The following CCDC171 variants were observed in gnomAD, a reference collection of about 807,000 sequenced individuals.
CCDC171 encodes the protein coiled-coil domain-containing protein 171.
CCDC171 carries 177 observed loss-of-function variants against 168.2 expected under a neutral mutation model. The observed-to-expected ratio is 1.05, with a 90% CI of 0.93 to 1.19. CCDC171 has a LOEUF of 1.19. CCDC171 is among the 50% of genes most tolerant of loss of function. CCDC171 has a pLI of 0.00. For synonymous variants in CCDC171, 687 were observed against 540.8 expected (o/e 1.27, Z -3.75); for missense variants, 1,991 against 1,539.0 (o/e 1.29, Z -4.91).
At chr9:16,071,472 C>T in the CCDC171 span, among the ~76,000 whole-genome samples, 2 of 152,166 alleles carry the variant, frequency 1.3e-5, no homozygotes, top group Admixed American at 6.5e-5. Context: ...CTTGTGGTGT[C>T]AGCTGTGCCT....
At chr9:15,608,725 G>C (rs925258937) in intron 6 of CCDC171, among the ~76,000 whole-genome samples, 1 of 151,204 alleles carries the variant, frequency 6.6e-6, no homozygotes, top group African/African-American at 2.4e-5. Context: ...TCTGAGGTGG[G>C]AGAATTGCTT....
chr9:15,924,252 A>T (rs954275673), intron 25 of CCDC171, among the ~76,000 whole-genome samples: 1 of 151,370 alleles, frequency 6.6e-6, no homozygotes, highest in Admixed American at 6.6e-5. Flanking sequence ...TTAACCAGTT[A>T]ATAGTGTGTG....
intron 24 of CCDC171, among the ~76,000 whole-genome samples, chr9:15,919,717 T>G (rs925106495): frequency 6.6e-6 from 1 of 151,666 alleles, no homozygotes; most frequent in African/African-American, 2.4e-5. Context: ...TTATTATGTA[T>G]AGTCCAATGT....
chr9:15,745,140 A>T (rs868150476), intron 17 of CCDC171, among the ~76,000 whole-genome samples: 2 of 152,210 alleles, frequency 1.3e-5, no homozygotes, highest in Non-Finnish European at 2.9e-5. Context: ...TTCAGTTTCT[A>T]TGAATAAGTA....
chr9:16,062,870 G>A (rs1833950657), downstream of CCDC171, among the ~76,000 whole-genome samples: 1 of 152,188 alleles, frequency 6.6e-6, no homozygotes. Context: ...CACAAATTTT[G>A]CTTCCTTTCC....
At chr9:15,670,815 C>T (rs2049056244) in intron 9 of CCDC171, among the ~76,000 whole-genome samples, 1 of 151,902 alleles carries the variant, frequency 6.6e-6, no homozygotes, top group Non-Finnish European at 1.5e-5. Context: ...CTTGTCAGTG[C>T]CTAGAAAGGT....
chr9:16,095,872 A>G, the CCDC171 span, among the ~76,000 whole-genome samples: 15 of 52,928 alleles, frequency 2.8e-4, no homozygotes, highest in East Asian at 4.7e-3. Flanking sequence ...ATAGGCACAT[A>G]TATATATATA....
At chr9:15,643,607 C>T (rs1051673374) in intron 7 of CCDC171, among the ~76,000 whole-genome samples, 1 of 152,160 alleles carries the variant, frequency 6.6e-6, no homozygotes, top group African/African-American at 2.4e-5. Context: ...TAAAAGTATA[C>T]AATTCAATGC....
chr9:15,706,006 TC>T (rs2052190176), intron 11 of CCDC171, among the ~76,000 whole-genome samples: 1 of 152,192 alleles, frequency 6.6e-6, no homozygotes, highest in Non-Finnish European at 1.5e-5. Context: ...AAGATTGACC[TC>T]CAGTGGAACA....
chr9:15,723,572 T>C (rs1258007951), intron 12 of CCDC171, 109 bp from the exon 13 acceptor site: 7 of 700,156 alleles, frequency 1.0e-5, no homozygotes, highest in Non-Finnish European at 9.7e-6. Flanking sequence ...ATTTAAGTAA[T>C]TGCATAAAAA....
At chr9:15,563,810 T>A (rs1284795762) in intron 1 of CCDC171, among the ~76,000 whole-genome samples, 168 bp from the exon 2 acceptor site, 1 of 152,228 alleles carries the variant, frequency 6.6e-6, no homozygotes. Flanking sequence ...TCAGTCTGCT[T>A]ATTTGAGTTC....
the CCDC171 span, among the ~76,000 whole-genome samples, chr9:16,074,870 C>T: frequency 6.6e-6 from 1 of 152,166 alleles, no homozygotes; most frequent in Non-Finnish European, 1.5e-5. Context: ...CTCATAAGCC[C>T]TGATATTGGA....
At chr9:16,060,760 G>A (rs1007171294) in exon 2 of CCDC171, 1 of 152,224 alleles carries the variant, frequency 6.6e-6, no homozygotes, top group Non-Finnish European at 1.5e-5. Context: ...AACATTTCTA[G>A]TTACAAGAAC....
intron 25 of CCDC171, among the ~76,000 whole-genome samples, chr9:15,947,128 G>T (rs1828500516): frequency 6.6e-6 from 1 of 151,886 alleles, no homozygotes; most frequent in Non-Finnish European, 1.5e-5. Flanking sequence ...TTTGGATAAT[G>T]GAAGAACAAG....
intron 18 of CCDC171, among the ~76,000 whole-genome samples, chr9:15,772,922 C>T (rs1467460741): frequency 6.6e-6 from 1 of 151,984 alleles, no homozygotes; most frequent in African/African-American, 2.4e-5. Context: ...CAAAATGTTA[C>T]CAAGTGTGTA....
In CCDC171 at chr9:15,818,917, GA is replaced by G. The variant is rs1490395945; in HGVS notation, c.3268-27779del. Among the ~76,000 whole-genome samples, 6 of 117,040 alleles carry G rather than the reference GA, an allele frequency of 5.1e-5. 2 individuals carry two copies. The highest frequency in any genetic ancestry group is 1.1e-4 in the Non-Finnish European group (6 of 52,204). 76.8% of individuals were successfully genotyped at this position (117,040 alleles called of 152,430 possible). ...CAGATTCCCCAAAGTTGAAATGAAG[GA>G]AAAAATGTTAAGGGCAGCCAGAGAG... On this transcript the variant is annotated intron_variant, in intron 21 of 25. Coordinates refer to ENST00000380701, the MANE Select transcript of CCDC171 (RefSeq NM_173550.4).
chr9:15,809,991 C>G (rs1174842223), intron 21 of CCDC171, among the ~76,000 whole-genome samples: 2 of 152,158 alleles, frequency 1.3e-5, no homozygotes. Flanking sequence ...GGTGCATTTA[C>G]AAACCTTTAG....
intron 7 of CCDC171, among the ~76,000 whole-genome samples, chr9:15,631,153 G>T (rs1003798075): frequency 1.4e-4 from 22 of 151,942 alleles, no homozygotes; most frequent in Non-Finnish European, 2.9e-4. Context: ...CTAGCAGAAG[G>T]CAAGAAATAA....
At chr9:15,690,724 A>C (rs2050721140) in intron 10 of CCDC171, among the ~76,000 whole-genome samples, 1 of 152,196 alleles carries the variant, frequency 6.6e-6, no homozygotes, top group African/African-American at 2.4e-5. Context: ...AATAGAAATG[A>C]GAAAAAATGA....
Sources: allele counts gnomAD v4.1 joint callset (sites outside exome capture counted in the v4.1 genomes callset), GRCh38; gene constraint gnomAD v4.1.1; transcripts MANE v1.5; gene names NCBI Gene and HGNC (gene_info 2026-07-23, HGNC 2026-07-21).